Variants in NRCAM observed in about 807,000 individuals in gnomAD.
The protein encoded by NRCAM is neuronal cell adhesion molecule.
A neutral mutation model predicts 156.5 loss-of-function variants in NRCAM; 83 were observed. The observed-to-expected ratio is 0.53, with a 90% confidence interval of 0.44 to 0.64. The LOEUF is 0.64. NRCAM is among the 30% of genes least tolerant of loss of function. The pLI, the probability that NRCAM is intolerant of heterozygous loss-of-function variation, is 0.00. For synonymous variants in NRCAM, 538 were observed against 563.9 expected, an observed-to-expected ratio of 0.95 and a Z score of 0.65; for missense variants, 1,417 against 1,597.3, an observed-to-expected ratio of 0.89 and a Z score of 1.92.
chr7:108,329,619 G>A (rs1256105446), intron 2 of NRCAM, among the ~76,000 whole-genome samples: 1 of 152,184 alleles, frequency 6.6e-6, no homozygotes, highest in Non-Finnish European at 1.5e-5. Context: ...TGAACAATGG[G>A]TGAATATATT....
chr7:108,299,692 T>C (rs1203290796), intron 3 of NRCAM, among the ~76,000 whole-genome samples: 2 of 152,210 alleles, frequency 1.3e-5, no homozygotes, highest in African/African-American at 4.8e-5. Context: ...GGTAATAACT[T>C]TGACTTCCAT....
intron 2 of NRCAM, among the ~76,000 whole-genome samples, chr7:108,320,747 G>A (rs2098992012): frequency 6.6e-6 from 1 of 152,230 alleles, no homozygotes; most frequent in African/African-American, 2.4e-5. Context: ...AAACACACAT[G>A]CAACATTTCT....
chr7:108,173,277 C>T (rs113590496), intron 28 of NRCAM, among the ~76,000 whole-genome samples: 1 of 152,134 alleles, frequency 6.6e-6, no homozygotes, highest in Non-Finnish European at 1.5e-5. Context: ...TGAGCCACCA[C>T]GCCCGGCCAT....
At chr7:108,218,106 C>G (rs1269626) in intron 11 of NRCAM, among the ~76,000 whole-genome samples, 148,820 of 151,548 alleles carry the variant, frequency 0.98, 73,068 homozygotes, top group Middle Eastern at 1. Context: ...GCAAAGCATA[C>G]TATCTGGGCC....
chr7:108,354,983 G>A (rs1330170031), intron 2 of NRCAM, among the ~76,000 whole-genome samples: 1 of 152,054 alleles, frequency 6.6e-6, no homozygotes, highest in African/African-American at 2.4e-5. Context: ...AACTATCCAG[G>A]AATAAATATA....
In NRCAM at chr7:108,283,152, C is replaced by T. The variant is rs540986579; in HGVS notation, c.-107+29513G>A. 8.0e-4 allele frequency among the ~76,000 whole-genome samples: 122 copies of T among 152,318 alleles called. 1 individual carries two copies. The highest frequency in any genetic ancestry group is 6.2e-3 in the South Asian group (30 of 4,826). On this transcript the variant is annotated intron_variant, in intron 3 of 32. Coordinates refer to ENST00000379028, the MANE Select transcript of NRCAM (RefSeq NM_001037132.4). ...AGTCAGCTATACTGATTTCATATCA[C>T]ACATCATTAAGCTTCTAAGAGCTAA...
intron 2 of NRCAM, among the ~76,000 whole-genome samples, chr7:108,384,611 C>G (rs766894058): frequency 1.1e-4 from 17 of 152,190 alleles, no homozygotes; most frequent in Non-Finnish European, 1.9e-4. Context: ...GGTGCTTAAA[C>G]TGCCCTTGGA....
chr7:108,148,957 T>G lies in NRCAM; in HGVS notation c.*953A>C, dbSNP rs1485341188. On this transcript the variant is annotated 3_prime_UTR_variant, in exon 33 of 33. Coordinates refer to ENST00000379028, the MANE Select transcript of NRCAM (RefSeq NM_001037132.4). Reference sequence around the variant, plus strand: ...CCTTCTTTTCCCAGCATTGCAGTTTTCATGAACTCTGCTTTTTAAAAGTTA... The same window carrying G: ...CCTTCTTTTCCCAGCATTGCAGTTTGCATGAACTCTGCTTTTTAAAAGTTA... 6.6e-6 allele frequency: 1 copy of G among 152,570 alleles called. No individual in the cohort carries two copies. Among genetic ancestry groups the G allele is most frequent in the Non-Finnish European group, 1.5e-5 (1 of 67,980 alleles). 9.5% of individuals were successfully genotyped at this position (152,570 alleles called of 1,614,324 possible).
chr7:108,159,394 C>T (rs2047476053), intron 32 of NRCAM, 69 bp downstream of exon 32: 2 of 1,350,254 alleles, frequency 1.5e-6, no homozygotes, highest in South Asian at 1.2e-5. Flanking sequence ...CATATTCTGG[C>T]TGAGTTCTAT....
At chr7:108,387,630 A>T (rs1024691502) in intron 2 of NRCAM, among the ~76,000 whole-genome samples, 1 of 152,090 alleles carries the variant, frequency 6.6e-6, no homozygotes, top group Non-Finnish European at 1.5e-5. Flanking sequence ...TTTGTTACAT[A>T]TGTATACATG....
At chr7:108,186,299 A>T (rs2066746966) in intron 20 of NRCAM, among the ~76,000 whole-genome samples, 2 of 152,160 alleles carry the variant, frequency 1.3e-5, no homozygotes, top group Admixed American at 6.5e-5. Flanking sequence ...TGAACTGCAG[A>T]CTCAGGAAGT....
intron 2 of NRCAM, among the ~76,000 whole-genome samples, chr7:108,347,949 A>T (rs1472217095): frequency 6.6e-6 from 1 of 152,082 alleles, no homozygotes; most frequent in Non-Finnish European, 1.5e-5. Context: ...CTCTGTGCAC[A>T]TCCCAATCAC....
intron 13 of NRCAM, among the ~76,000 whole-genome samples, chr7:108,205,668 A>C (rs1588163976): frequency 6.6e-6 from 1 of 152,190 alleles, no homozygotes; most frequent in Admixed American, 6.5e-5. Context: ...GCTGCAAAAC[A>C]TGGTGCAAAA....
chr7:108,327,810 G>A (rs959000135), intron 2 of NRCAM, among the ~76,000 whole-genome samples: 2 of 152,164 alleles, frequency 1.3e-5, no homozygotes, highest in Non-Finnish European at 2.9e-5. Context: ...AGTTAGTGCC[G>A]AGGGAATGAC....
At chr7:108,170,915 C>A (rs558198165) in intron 28 of NRCAM, among the ~76,000 whole-genome samples, 6 of 152,182 alleles carry the variant, frequency 3.9e-5, no homozygotes, top group Non-Finnish European at 7.4e-5. Flanking sequence ...ATAAGATGAA[C>A]AAGTTCTAGA....
chr7:108,423,505 A>G (rs1162831938), intron 1 of NRCAM, among the ~76,000 whole-genome samples: 2 of 152,182 alleles, frequency 1.3e-5, no homozygotes, highest in Non-Finnish European at 2.9e-5. Context: ...AAATATGACT[A>G]TGTGCTTTGA....
chr7:108,445,370 T>C (rs1401843323), intron 1 of NRCAM, among the ~76,000 whole-genome samples: 1 of 152,222 alleles, frequency 6.6e-6, no homozygotes, highest in Non-Finnish European at 1.5e-5. Context: ...AGTCCTATCC[T>C]GCAGCATCAA....
At chr7:108,236,826 A>G (rs1247625433) in intron 5 of NRCAM, among the ~76,000 whole-genome samples, 2 of 150,036 alleles carry the variant, frequency 1.3e-5, no homozygotes, top group African/African-American at 4.9e-5. Flanking sequence ...TAGTGGCCAT[A>G]GGGAGTGGGG....
chr7:108,222,325 G>A (rs2092550840), intron 11 of NRCAM, among the ~76,000 whole-genome samples: 2 of 152,194 alleles, frequency 1.3e-5, no homozygotes, highest in Non-Finnish European at 2.9e-5. Context: ...GTTGGTAAGT[G>A]ATAGAGTCCC....
Sources: gnomAD v4.1 joint callset for allele counts (sites outside exome capture counted in the v4.1 genomes callset) on GRCh38, gnomAD v4.1.1 for gene constraint, MANE v1.5 for transcripts, NCBI Gene and HGNC (gene_info 2026-07-23, HGNC 2026-07-21) for gene names.